The following CEP63 variants were observed in gnomAD, a reference collection of about 807,000 sequenced individuals.
CEP63 encodes centrosomal protein of 63 kDa.
Under a neutral mutation model 89.1 loss-of-function variants are expected in CEP63, and 84 were observed. That is an observed-to-expected ratio of 0.94 (90% CI 0.79 to 1.13). The LOEUF (loss-of-function observed/expected upper bound fraction) is 1.13. Ranked by LOEUF, CEP63 falls within the 50% of genes most tolerant of loss-of-function variation. The pLI is 0.00. For synonymous variants in CEP63, 267 were observed against 272.5 expected, an observed-to-expected ratio of 0.98 and a Z score of 0.20; for missense variants, 838 against 813.3, an observed-to-expected ratio of 1.03 and a Z score of -0.37.
intron 2 of CEP63, among the ~76,000 whole-genome samples, chr3:134,502,797 C>T (rs534596740): frequency 6.6e-6 from 1 of 151,990 alleles, no homozygotes; most frequent in African/African-American, 2.4e-5. Flanking sequence ...TATTTCTGCT[C>T]TGATTTTAGT....
At chr3:134,596,210 A>C in the CEP63 span, among the ~76,000 whole-genome samples, 1 of 152,190 alleles carries the variant, frequency 6.6e-6, no homozygotes, top group East Asian at 1.9e-4. Context: ...TAGATAAAGG[A>C]AAGAAAATTC....
intron 8 of CEP63, among the ~76,000 whole-genome samples, chr3:134,546,776 A>G (rs922181719): frequency 6.6e-6 from 1 of 152,222 alleles, no homozygotes; most frequent in African/African-American, 2.4e-5. Flanking sequence ...TGTGTGGTTA[A>G]TTTTCTTCTG....
intron 3 of CEP63, among the ~76,000 whole-genome samples, chr3:134,531,258 A>G (rs1249840559): frequency 6.6e-6 from 1 of 151,956 alleles, no homozygotes; most frequent in Non-Finnish European, 1.5e-5. Flanking sequence ...AGTTTTTTTG[A>G]TGAAAAGGGT....
the CEP63 span, among the ~76,000 whole-genome samples, chr3:134,689,597 G>A: frequency 6.6e-6 from 1 of 151,922 alleles, no homozygotes; most frequent in Admixed American, 6.6e-5. Context: ...GACTACAGGA[G>A]CCTGCCACCA....
rs1344613385 is a variant in CEP63, at chr3:134,584,963, T to TGG, written c.1207-2495_1207-2494insGG. On this transcript the variant is annotated intron_variant, in intron 10 of 10. Coordinates refer to the CEP63 transcript ENST00000683931. ...TCTTCTAGATTTTCTAGGGTTTTTT[T>TGG]TTTTTTTTTTTGCATGGAGGTGTTT... is the stretch of plus-strand genomic sequence containing the variant. Among the ~76,000 whole-genome samples the TGG allele has an allele frequency of 1.4e-4, 20 of 146,844 alleles. 1 individual carries two copies. Among genetic ancestry groups the TGG allele is most frequent in the South Asian group, 6.5e-4 (3 of 4,598 alleles).
the CEP63 span, chr3:134,647,458 T>C: frequency 6.2e-7 from 1 of 1,612,266 alleles, no homozygotes; most frequent in South Asian, 1.1e-5. Flanking sequence ...TCCTTCTAAT[T>C]TCTGCCATCT....
At chr3:134,726,858 C>T in the CEP63 span, among the ~76,000 whole-genome samples, 2 of 152,322 alleles carry the variant, frequency 1.3e-5, no homozygotes, top group African/African-American at 4.8e-5. Flanking sequence ...AGGGAACTGC[C>T]GGCCGGAGCA....
intron 3 of CEP63, among the ~76,000 whole-genome samples, chr3:134,520,257 AT>A (rs1947154750): frequency 2.0e-5 from 3 of 152,210 alleles, no homozygotes; most frequent in Admixed American, 6.5e-5. Context: ...ATTTACAAAA[AT>A]TTATTGATTC....
chr3:134,604,160 G>T, the CEP63 span: 9 of 1,609,090 alleles, frequency 5.6e-6, no homozygotes, highest in Middle Eastern at 1.7e-4. Context: ...ATAGGGTCAG[G>T]GTGGGAGGGC....
At chr3:134,650,966 C>T in the CEP63 span, 7 of 1,613,026 alleles carry the variant, frequency 4.3e-6, no homozygotes, top group Non-Finnish European at 4.2e-6. Context: ...TCCATGATGC[C>T]GCCTCCTTTC....
the CEP63 span, among the ~76,000 whole-genome samples, chr3:134,779,427 C>T: frequency 9.2e-5 from 14 of 152,256 alleles, no homozygotes; most frequent in Admixed American, 3.3e-4. Context: ...AGCCTATAAG[C>T]TTTCTTATGT....
At chr3:134,505,947 A>T (rs1274627794) in intron 2 of CEP63, among the ~76,000 whole-genome samples, 2 of 152,218 alleles carry the variant, frequency 1.3e-5, no homozygotes, top group African/African-American at 4.8e-5. Context: ...GCAAAAGCTA[A>T]GTTGATCCAT....
the CEP63 span, among the ~76,000 whole-genome samples, chr3:134,774,162 G>A: frequency 6.6e-6 from 1 of 152,116 alleles, no homozygotes; most frequent in Non-Finnish European, 1.5e-5. Flanking sequence ...TTTCTTAACT[G>A]ACTCTTTGTC....
chr3:134,544,637 G>GT (rs1559995687), intron 6 of CEP63, among the ~76,000 whole-genome samples: 6 of 18,052 alleles, frequency 3.3e-4, no homozygotes, highest in African/African-American at 7.3e-4. Flanking sequence ...TGCTCTAGGT[G>GT]GGGGGGGGAA....
the CEP63 span, among the ~76,000 whole-genome samples, chr3:134,780,299 AT>A: frequency 6.6e-6 from 1 of 152,176 alleles, no homozygotes; most frequent in Non-Finnish European, 1.5e-5. Flanking sequence ...CATTTCAGCC[AT>A]TTTAACTGTA....
the CEP63 span, among the ~76,000 whole-genome samples, chr3:134,655,203 A>G: frequency 6.6e-6 from 1 of 151,848 alleles, no homozygotes; most frequent in Non-Finnish European, 1.5e-5. Context: ...GCTCTGGGGA[A>G]GGTCTCATGG....
rs564816340 is a variant in CEP63, at chr3:134,571,576, G to A, written c.1330-3217G>A. ...GGCACCTGTAGTCCCAGCTACTTGG[G>A]AGGCTGAGGCAGGAGAATGGCGTGG... On this transcript the variant is annotated intron_variant, in intron 11 of 11. Coordinates refer to the CEP63 transcript ENST00000354446. 5.9e-5 allele frequency among the ~76,000 whole-genome samples: 9 copies of A among 152,268 alleles called. No individual in the cohort carries two copies. In the South Asian group the frequency reaches 1.9e-3, roughly 32 times the overall value.
intron 1 of CEP63, among the ~76,000 whole-genome samples, chr3:134,487,736 T>C (rs1378643823): frequency 2.0e-5 from 3 of 152,234 alleles, no homozygotes; most frequent in Admixed American, 6.5e-5. Context: ...CATACACAAA[T>C]TAATAAAAAT....
the CEP63 span, among the ~76,000 whole-genome samples, chr3:134,633,911 C>T: frequency 3.3e-5 from 5 of 152,242 alleles, no homozygotes; most frequent in South Asian, 4.1e-4. Context: ...AGCATGGTCA[C>T]GGTATACAAG....
Sources: allele counts gnomAD v4.1 joint callset (sites outside exome capture counted in the v4.1 genomes callset), GRCh38; gene constraint gnomAD v4.1.1; transcripts MANE v1.5; gene names NCBI Gene and HGNC (gene_info 2026-07-23, HGNC 2026-07-21).